ARHGAP44: variants seen among roughly 807,000 people sequenced by gnomAD.
The protein encoded by ARHGAP44 is Rho GTPase activating protein 44.
In ARHGAP44, 43 loss-of-function variants were observed where a neutral mutation model predicts 106.8. The ratio of observed to expected loss-of-function variants is 0.40; its 90% CI spans 0.32 to 0.52. The LOEUF is 0.52. Ranked by LOEUF, ARHGAP44 falls within the 20% of genes least tolerant of loss-of-function variation. ARHGAP44 has a pLI of 0.48. For missense variants in ARHGAP44, 866 were observed against 1,050.5 expected (o/e 0.82, Z 2.43); for synonymous variants, 439 against 410.3 (o/e 1.07, Z -0.85).
chr17:12,981,348 C>G (rs765188957), intron 19 of ARHGAP44, among the ~76,000 whole-genome samples: 1 of 151,866 alleles, frequency 6.6e-6, no homozygotes, highest in Non-Finnish European at 1.5e-5. Context: ...CAGAGCATTT[C>G]TCCAGCACCA....
chr17:12,824,757 T>G (rs1567633136), intron 1 of ARHGAP44, among the ~76,000 whole-genome samples: 1 of 151,962 alleles, frequency 6.6e-6, no homozygotes, highest in Non-Finnish European at 1.5e-5. Flanking sequence ...CTGGCCTTAA[T>G]GTACCTCGCT....
At chr17:12,909,424 A>G (rs1384731746) in intron 4 of ARHGAP44, among the ~76,000 whole-genome samples, 2 of 152,162 alleles carry the variant, frequency 1.3e-5, no homozygotes, top group South Asian at 4.1e-4. Context: ...AAAATATAAC[A>G]ATTATTTAAA....
chr17:12,935,344 C>T (rs909121994), intron 7 of ARHGAP44, among the ~76,000 whole-genome samples: 24 of 152,006 alleles, frequency 1.6e-4, no homozygotes, highest in Middle Eastern at 3.2e-3. Flanking sequence ...GAAGCTGAGG[C>T]GGGTGGATCA....
intron 1 of ARHGAP44, among the ~76,000 whole-genome samples, chr17:12,884,487 A>G (rs1354750839): frequency 2.0e-5 from 3 of 152,222 alleles, no homozygotes; most frequent in Admixed American, 6.5e-5. Flanking sequence ...TTCTTGATTC[A>G]CATGATATTG....
intron 1 of ARHGAP44, among the ~76,000 whole-genome samples, chr17:12,806,917 G>T (rs1321048941): frequency 6.6e-6 from 1 of 152,198 alleles, no homozygotes; most frequent in Non-Finnish European, 1.5e-5. Context: ...AGGTGTCGTG[G>T]AAGCAAAACA....
At chr17:12,910,758 T>A (rs1986081) in intron 4 of ARHGAP44, among the ~76,000 whole-genome samples, 70,417 of 151,318 alleles carry the variant, frequency 0.47, 18,141 homozygotes, top group Non-Finnish European at 0.57. Context: ...AAGAATGATA[T>A]TTTTTTAGAG....
At chr17:12,930,975 T>C (rs1052924857) in intron 7 of ARHGAP44, among the ~76,000 whole-genome samples, 1 of 152,330 alleles carries the variant, frequency 6.6e-6, no homozygotes, top group African/African-American at 2.4e-5. Context: ...CAGTGCTAGA[T>C]AGAACCTGTT....
chr17:12,949,691 T>C lies in ARHGAP44; in HGVS notation c.1016T>C (p.Met339Thr). 1 of 1,613,952 alleles carries C rather than the reference T, an allele frequency of 6.2e-7. No homozygotes were observed. The highest frequency in any genetic ancestry group is 8.5e-7 in the Non-Finnish European group (1 of 1,179,876). Residue 339 changes from methionine (M) to threonine (T), a missense_variant, in exon 12 of 21, where the codon ATG becomes ACG. By Grantham distance (81) the Met-to-Thr change is moderately conservative (BLOSUM62 -1). Transcript: ENST00000379672. This position sits in a 1 kb window ranked among gnomAD's most constrained non-coding sequence, Gnocchi z 4.1. ...SYLRELPEPL[M>T]TFELYDEWIQ... is the part of the protein sequence containing the mutation. ...CTCCGAGAGTTGCCAGAACCTCTTA[T>C]GACCTTTGAACTCTATGATGAGTGG...
intron 7 of ARHGAP44, among the ~76,000 whole-genome samples, chr17:12,932,678 G>T (rs1598077123): frequency 6.7e-6 from 1 of 148,282 alleles, no homozygotes; most frequent in South Asian, 2.1e-4. Flanking sequence ...ATTTATTTTT[G>T]TATATGATGT....
intron 1 of ARHGAP44, among the ~76,000 whole-genome samples, chr17:12,793,576 C>T (rs933048351): frequency 6.6e-6 from 1 of 152,126 alleles, no homozygotes; most frequent in African/African-American, 2.4e-5. Flanking sequence ...GGCATGGTGG[C>T]GGGCGCCTGT....
intron 6 of ARHGAP44, among the ~76,000 whole-genome samples, chr17:12,923,216 T>A (rs918263302): frequency 6.6e-6 from 1 of 152,132 alleles, no homozygotes; most frequent in African/African-American, 2.4e-5. Flanking sequence ...TTGTTTGTTT[T>A]TTCGTTTTTT....
At position 12,939,668 on chromosome 17, in the gene ARHGAP44, G is replaced by A. The variant is rs377380255; in HGVS notation, c.583-1388G>A. Among the ~76,000 whole-genome samples, 84 of 152,138 alleles carry A rather than the reference G, an allele frequency of 5.5e-4. No individual in the cohort carries two copies. The East Asian group carries it at 0.014, about 25-fold the overall frequency. On this transcript the variant is annotated intron_variant, in intron 7 of 20. Transcript: ENST00000379672. ...TTTTTAGTAGAGACGGGGTTTCACC[G>A]TGTTAGCCAGGATGGTCTCGATCTC...
chr17:12,828,873 C>T (rs556823346), intron 1 of ARHGAP44, among the ~76,000 whole-genome samples: 1 of 151,944 alleles, frequency 6.6e-6, no homozygotes, highest in East Asian at 1.9e-4. Context: ...GATCTCCTGA[C>T]CTCGTGATCC....
At chr17:12,879,879 T>A (rs962934712) in intron 1 of ARHGAP44, among the ~76,000 whole-genome samples, 2 of 151,946 alleles carry the variant, frequency 1.3e-5, no homozygotes, top group African/African-American at 4.8e-5. Flanking sequence ...TGTAGTCAAT[T>A]AACACATATT....
chr17:12,932,506 C>T (rs754388581), intron 7 of ARHGAP44, among the ~76,000 whole-genome samples: 2 of 152,120 alleles, frequency 1.3e-5, no homozygotes, highest in South Asian at 2.1e-4. Flanking sequence ...TGACATCTGC[C>T]ATTAAAAATT....
intron 16 of ARHGAP44, among the ~76,000 whole-genome samples, chr17:12,960,912 C>T (rs897945520): frequency 2.0e-5 from 3 of 152,114 alleles, no homozygotes; most frequent in African/African-American, 4.8e-5. Context: ...TTAGAATCTG[C>T]GAGTCAGAGA....
At chr17:12,853,749 T>C (rs3785727) in intron 1 of ARHGAP44, among the ~76,000 whole-genome samples, 2,227 of 152,252 alleles carry the variant, frequency 0.015, 50 homozygotes, top group East Asian at 0.07. Flanking sequence ...TTTTGTTACA[T>C]GGTTGCAAAC....
At chr17:12,869,589 T>C (rs1368218132) in intron 1 of ARHGAP44, among the ~76,000 whole-genome samples, 1 of 152,186 alleles carries the variant, frequency 6.6e-6, no homozygotes, top group Non-Finnish European at 1.5e-5. Flanking sequence ...TTTCCGTCTT[T>C]GAAGCTAAAA....
intron 1 of ARHGAP44, among the ~76,000 whole-genome samples, chr17:12,802,965 ATATATTTTTTTTTT>A (rs1771140530): frequency 3.7e-5 from 1 of 27,026 alleles, no homozygotes; most frequent in African/African-American, 1.3e-4. Flanking sequence ...ATATATATAT[ATATATTTTTTTTTT>A]TTTTTTTTTT....
Sources: allele counts gnomAD v4.1 joint callset (sites outside exome capture counted in the v4.1 genomes callset), GRCh38; gene constraint gnomAD v4.1.1; non-coding constraint Gnocchi (gnomAD v3.1); transcripts MANE v1.5; gene names NCBI Gene and HGNC (gene_info 2026-07-23, HGNC 2026-07-21).